KAZN: variants seen among roughly 807,000 people sequenced by gnomAD.
KAZN encodes the protein kazrin, periplakin interacting protein, also known as kazrin.
KAZN carries 40 observed loss-of-function variants against 87.4 expected under a neutral mutation model. The observed-to-expected ratio is 0.46, with a 90% CI of 0.36 to 0.60. The LOEUF (loss-of-function observed/expected upper bound fraction) is 0.60. KAZN is among the 20% of genes least tolerant of loss of function. KAZN has a pLI of 0.00. For missense variants in KAZN, 898 were observed against 1,073.9 expected, an observed-to-expected ratio of 0.84 and a Z score of 2.29; for synonymous variants, 466 against 458.3, an observed-to-expected ratio of 1.02 and a Z score of -0.22.
intron 2 of KAZN, among the ~76,000 whole-genome samples, chr1:14,259,295 C>T (rs1489283513): frequency 6.6e-6 from 1 of 152,062 alleles, no homozygotes; most frequent in African/African-American, 2.4e-5. Context: ...GGGCTGAGGG[C>T]CAGGGCTTTC....
intron 1 of KAZN, among the ~76,000 whole-genome samples, chr1:14,722,502 G>A (rs758605032): frequency 2.6e-5 from 4 of 152,166 alleles, no homozygotes; most frequent in Non-Finnish European, 4.4e-5. Context: ...CGTTATAACC[G>A]TGTTTTGTTT....
intron 1 of KAZN, among the ~76,000 whole-genome samples, chr1:14,062,133 T>G (rs1164423999): frequency 2.0e-5 from 3 of 152,094 alleles, no homozygotes; most frequent in Non-Finnish European, 4.4e-5. Flanking sequence ...CCAGGACACT[T>G]AGCCACCAAA....
chr1:14,991,950 T>C (rs1667403242), intron 2 of KAZN, among the ~76,000 whole-genome samples: 2 of 152,220 alleles, frequency 1.3e-5, no homozygotes, highest in South Asian at 4.1e-4. Context: ...CCCTCGGTGC[T>C]TTCTCTGATG....
intron 1 of KAZN, among the ~76,000 whole-genome samples, chr1:14,084,102 G>A (rs1246365950): frequency 6.6e-6 from 1 of 152,228 alleles, no homozygotes; most frequent in Non-Finnish European, 1.5e-5. Flanking sequence ...GGCTAACACA[G>A]CCCCTCTGGA....
intron 10 of KAZN, among the ~76,000 whole-genome samples, chr1:15,095,299 A>C (rs779274373): frequency 7.9e-5 from 12 of 151,908 alleles, no homozygotes; most frequent in Non-Finnish European, 1.8e-4. Context: ...TTCTTACCAT[A>C]CATAACAGGG....
upstream of KAZN, among the ~76,000 whole-genome samples, chr1:14,598,547 G>GC (rs1321030696): frequency 1.2e-4 from 18 of 151,804 alleles, no homozygotes; most frequent in African/African-American, 3.6e-4. This position sits in a 1 kb window ranked among gnomAD's most constrained non-coding sequence, Gnocchi z 4.2. Context: ...CGCCGCCTCC[G>GC]CCCCCCCGGG....
At chr1:14,965,267 G>C (rs1039208324) in intron 2 of KAZN, among the ~76,000 whole-genome samples, 2 of 152,016 alleles carry the variant, frequency 1.3e-5, no homozygotes, top group Non-Finnish European at 2.9e-5. Context: ...CAGTCTGCCC[G>C]GGTCGGCTTT....
chr1:14,784,900 C>T (rs577070660), intron 1 of KAZN, among the ~76,000 whole-genome samples: 1 of 152,004 alleles, frequency 6.6e-6, no homozygotes, highest in Non-Finnish European at 1.5e-5. Context: ...TTCTCAGCAG[C>T]CCCGAATCGG....
At chr1:14,713,571 A>G (rs1451901546) in intron 1 of KAZN, among the ~76,000 whole-genome samples, 1 of 152,012 alleles carries the variant, frequency 6.6e-6, no homozygotes, top group Non-Finnish European at 1.5e-5. Flanking sequence ...GGTAGAGGCC[A>G]CGGTTGCTGC....
At chr1:14,851,268 G>A (rs1001792729) in intron 1 of KAZN, among the ~76,000 whole-genome samples, 1 of 152,174 alleles carries the variant, frequency 6.6e-6, no homozygotes, top group Non-Finnish European at 1.5e-5. Flanking sequence ...CTGCCCAGGG[G>A]ACCACTGCCC....
At chr1:15,091,472 G>GGC (rs1640530398) in intron 8 of KAZN, among the ~76,000 whole-genome samples, 1 of 152,168 alleles carries the variant, frequency 6.6e-6, no homozygotes, top group Non-Finnish European at 1.5e-5. Context: ...AGCCTCTGGA[G>GGC]TAGCTGGGAC....
At chr1:15,112,712 C>A in intron 14 of KAZN, 171 bp downstream of exon 14, 1 of 592,964 alleles carries the variant, frequency 1.7e-6, no homozygotes. Flanking sequence ...GGAACCTTCA[C>A]GATGCTTTGG....
chr1:14,272,863 CA>C (rs1205490007), intron 2 of KAZN, among the ~76,000 whole-genome samples: 3 of 151,410 alleles, frequency 2.0e-5, no homozygotes, highest in Non-Finnish European at 2.9e-5. Context: ...GTCTCAAAAA[CA>C]AAAAATAAAA....
chr1:14,795,027 G>T (rs1737351), intron 1 of KAZN, among the ~76,000 whole-genome samples: 1 of 151,984 alleles, frequency 6.6e-6, no homozygotes, highest in Non-Finnish European at 1.5e-5. Flanking sequence ...TTACACTAGT[G>T]GTTTGCCAGA....
intron 2 of KAZN, among the ~76,000 whole-genome samples, chr1:14,281,967 C>G (rs1037121282): frequency 6.6e-6 from 1 of 152,062 alleles, no homozygotes; most frequent in African/African-American, 2.4e-5. Flanking sequence ...TTCCAATATC[C>G]CAGCCCCCCA....
chr1:14,679,372 T>TG lies in KAZN; in HGVS notation c.226+80153dup, dbSNP rs368359978. On this transcript the variant is annotated intron_variant, in intron 1 of 14. Transcript: ENST00000376030. ...TTGTTTGAATAACTTAGTTGAGCTC[T>TG]GGGGTGCAGGGGTGGTCCCTTTTTG... Among the ~76,000 whole-genome samples, 633 of 152,150 alleles carry TG rather than the reference T, an allele frequency of 4.2e-3. 5 individuals carry two copies. The highest frequency in any genetic ancestry group is 0.015 in the African/African-American group (612 of 41,504).
At chr1:14,997,165 T>TG (rs1667955996) in intron 2 of KAZN, among the ~76,000 whole-genome samples, 1 of 152,094 alleles carries the variant, frequency 6.6e-6, no homozygotes, top group African/African-American at 2.4e-5. Flanking sequence ...AGTTCCTTCA[T>TG]GCATTTCACA....
chr1:13,905,557 T>G (rs1639404727), intron 1 of KAZN, among the ~76,000 whole-genome samples: 2 of 128,226 alleles, frequency 1.6e-5, no homozygotes, highest in South Asian at 4.8e-4. Flanking sequence ...AGTCTCATCT[T>G]CCCTGATGTC....
intron 1 of KAZN, among the ~76,000 whole-genome samples, chr1:14,083,080 G>A (rs574305146): frequency 4.6e-5 from 7 of 152,040 alleles, no homozygotes; most frequent in South Asian, 2.1e-4. Context: ...TAGTCCCAGC[G>A]ACTCGGGAGG....
Sources: allele counts gnomAD v4.1 joint callset (sites outside exome capture counted in the v4.1 genomes callset), GRCh38; gene constraint gnomAD v4.1.1; non-coding constraint Gnocchi (gnomAD v3.1); transcripts MANE v1.5; gene names NCBI Gene and HGNC (gene_info 2026-07-23, HGNC 2026-07-21).